Variants in FAM227B observed in about 807,000 individuals in gnomAD.
FAM227B encodes family with sequence similarity 227 member B.
Under a neutral mutation model 73.8 loss-of-function variants are expected in FAM227B, and 88 were observed. That is an observed-to-expected ratio of 1.19 (90% confidence interval 1.00 to 1.42). The LOEUF (loss-of-function observed/expected upper bound fraction) is 1.42. Among genes scored for constraint, FAM227B ranks in the 40% most tolerant of loss-of-function variants. The pLI, the probability that FAM227B is intolerant of heterozygous loss-of-function variation, is 0.00. For missense variants in FAM227B, 632 were observed against 590.9 expected (o/e 1.07, Z -0.72); for synonymous variants, 210 against 190.5 (o/e 1.10, Z -0.84).
chr15:49,463,941 T>TTTGC lies in FAM227B; in HGVS notation c.1012+44266_1012+44269dup, dbSNP rs2054036514. ...AAGGTTTTTGTTTGTTTTTTGTTTG[T>TTTGC]TTGCTTTAGAGTTACTATTTTTATC... On this transcript the variant is annotated intron_variant, in intron 11 of 15. Coordinates refer to ENST00000299338, the MANE Select transcript of FAM227B (RefSeq NM_152647.3). 1.3e-5 allele frequency among the ~76,000 whole-genome samples: 2 copies of TTTGC among 152,038 alleles called. 1 individual carries two copies. The highest frequency in any genetic ancestry group is 1.3e-4 in the Admixed American group (2 of 15,256).
At chr15:49,584,937 A>G (rs888728205) in intron 5 of FAM227B, among the ~76,000 whole-genome samples, 10 of 152,070 alleles carry the variant, frequency 6.6e-5, no homozygotes, top group African/African-American at 2.4e-4. Context: ...TTTGCAACCT[A>G]CTCATCTGAC....
chr15:49,417,425 T>C (rs1043295714), intron 11 of FAM227B, among the ~76,000 whole-genome samples: 2 of 152,008 alleles, frequency 1.3e-5, no homozygotes, highest in African/African-American at 2.4e-5. Context: ...CTTCAAACTA[T>C]ACTATAAGGC....
chr15:49,582,146 T>C (rs2075853082), intron 5 of FAM227B, among the ~76,000 whole-genome samples: 1 of 152,170 alleles, frequency 6.6e-6, no homozygotes, highest in African/African-American at 2.4e-5. Flanking sequence ...ACTTTGAATG[T>C]AAATGGGGGC....
At position 49,614,549 on chromosome 15, in the gene FAM227B, A is replaced by G. The variant is rs115350751; in HGVS notation, c.51+572T>C. On this transcript the variant is annotated intron_variant, in intron 2 of 15. Transcript: ENST00000299338. ...CTAAAAACAAGCCTAACTGTCCCAT[A>G]GAACTAATGTTTATGGTTTCTTTAA... Among the ~76,000 whole-genome samples, 1,247 of 152,378 alleles carry G rather than the reference A, an allele frequency of 8.2e-3. 19 individuals are homozygous for G. Among genetic ancestry groups the G allele is most frequent in the African/African-American group, 0.029 (1,207 of 41,588 alleles).
chr15:49,570,016 T>C (rs1567602498), intron 8 of FAM227B, among the ~76,000 whole-genome samples: 2 of 152,110 alleles, frequency 1.3e-5, no homozygotes, highest in South Asian at 2.1e-4. Context: ...CATTCATTCG[T>C]TGACAGACAA....
chr15:49,453,650 T>C (rs969827798), intron 11 of FAM227B, among the ~76,000 whole-genome samples: 9 of 152,132 alleles, frequency 5.9e-5, no homozygotes, highest in African/African-American at 1.9e-4. Flanking sequence ...TCCGAGGTAA[T>C]TGTATCTAGA....
At chr15:49,525,125 C>T (rs2060064980) in intron 10 of FAM227B, among the ~76,000 whole-genome samples, 1 of 151,972 alleles carries the variant, frequency 6.6e-6, no homozygotes, top group East Asian at 1.9e-4. Flanking sequence ...GGGAGGGAAT[C>T]GGGGTAAAAT....
In FAM227B at chr15:49,541,788, C is replaced by G; in HGVS notation, c.766G>C (p.Ala256Pro). Reference sequence around the variant, plus strand: ...TGGAACGTTGCATATATGGCTTGTGCCAAACAATCAGGATATATCTACCAA... The same window carrying G: ...TGGAACGTTGCATATATGGCTTGTGGCAAACAATCAGGATATATCTACCAA... Reference protein sequence around the residue: ...AFFQIYPDCLAQAIYATFHEA... With the variant: ...AFFQIYPDCLPQAIYATFHEA... Residue 256 changes from alanine to proline, a missense_variant, in exon 10 of 16, where the codon GCA (alanine) becomes CCA (proline). Ala to Pro is a conservative substitution (Grantham distance 27). Coordinates refer to ENST00000299338, the MANE Select transcript of FAM227B (RefSeq NM_152647.3). 1 of 1,498,424 alleles carries G rather than the reference C, an allele frequency of 6.7e-7. No homozygotes were observed. The highest frequency in any genetic ancestry group is 8.9e-7 in the Non-Finnish European group (1 of 1,123,028). 92.8% of individuals were successfully genotyped at this position (1,498,424 alleles called of 1,614,324 possible). A position where few individuals can be genotyped will look rare whatever the true frequency, so the allele number is the denominator to read the frequency against.
chr15:49,519,824 T>C (rs1221641987), intron 10 of FAM227B, among the ~76,000 whole-genome samples: 2 of 152,238 alleles, frequency 1.3e-5, no homozygotes, highest in Admixed American at 6.5e-5. Context: ...TCATTACTTA[T>C]GCAAATTTCT....
chr15:49,606,743 T>C (rs1418278246), intron 3 of FAM227B, among the ~76,000 whole-genome samples: 1 of 152,188 alleles, frequency 6.6e-6, no homozygotes, highest in Admixed American at 6.5e-5. Context: ...CCCTTCTTTC[T>C]CAATGTGGAA....
intron 11 of FAM227B, among the ~76,000 whole-genome samples, chr15:49,482,247 T>C (rs2056020229): frequency 6.6e-6 from 1 of 152,058 alleles, no homozygotes; most frequent in Non-Finnish European, 1.5e-5. Flanking sequence ...AGATTTTACT[T>C]TATTTAGTGT....
intron 11 of FAM227B, among the ~76,000 whole-genome samples, chr15:49,503,919 T>C (rs1183440850): frequency 2.0e-5 from 3 of 152,160 alleles, no homozygotes; most frequent in Admixed American, 6.5e-5. Context: ...AGCCATCCCA[T>C]TACTGGGTAT....
At chr15:49,512,410 T>C (rs76460138) in intron 10 of FAM227B, among the ~76,000 whole-genome samples, 1 of 152,218 alleles carries the variant, frequency 6.6e-6, no homozygotes, top group East Asian at 1.9e-4. Flanking sequence ...TTTTGCTCGC[T>C]TCTTCTATTA....
At chr15:49,516,880 A>G (rs1210651679) in intron 10 of FAM227B, among the ~76,000 whole-genome samples, 1 of 152,172 alleles carries the variant, frequency 6.6e-6, no homozygotes, top group Non-Finnish European at 1.5e-5. Context: ...GAATCCTTAA[A>G]TGTGGAAGAG....
chr15:49,370,990 T>C (rs951796790), intron 12 of FAM227B, among the ~76,000 whole-genome samples: 3 of 152,174 alleles, frequency 2.0e-5, no homozygotes, highest in South Asian at 2.1e-4. Context: ...ATTAAGATCA[T>C]ATTCATGTGC....
At chr15:49,575,692 C>G (rs991380718) in intron 7 of FAM227B, among the ~76,000 whole-genome samples, 1 of 152,006 alleles carries the variant, frequency 6.6e-6, no homozygotes, top group African/African-American at 2.4e-5. Flanking sequence ...ACACCAAGAA[C>G]AGCAAAAATG....
chr15:49,349,568 T>C (rs2041967216), intron 13 of FAM227B, among the ~76,000 whole-genome samples: 1 of 152,198 alleles, frequency 6.6e-6, no homozygotes, highest in Admixed American at 6.5e-5. Context: ...GGTTCCTTTA[T>C]GGAATCCCTG....
At chr15:49,532,307 T>C in intron 10 of FAM227B, among the ~76,000 whole-genome samples, 1 of 151,738 alleles carries the variant, frequency 6.6e-6, no homozygotes. Context: ...TTAAACATCA[T>C]GAGATATAAA....
chr15:49,328,310 G>GCT lies in FAM227B; in HGVS notation c.*256_*257dup. ...TATATTTTCAAAGAAATGGTTGAAA[G>GCT]CTCTCTATGCTTCATAATGATTCTT... On this transcript the variant is annotated 3_prime_UTR_variant, in exon 16 of 16. Transcript: ENST00000299338. The GCT allele has an allele frequency of 1.4e-6, 2 of 1,433,384 alleles. No individual in the cohort carries two copies. Among genetic ancestry groups the GCT allele is most frequent in the Non-Finnish European group, 1.8e-6 (2 of 1,097,460 alleles). The allele number at this position is 1,433,384 out of a possible 1,614,324, so 88.8% of individuals were successfully genotyped here. A position where few individuals can be genotyped will look rare whatever the true frequency, so the allele number is the denominator to read the frequency against.
Sources: gnomAD v4.1 joint callset for allele counts (sites outside exome capture counted in the v4.1 genomes callset) on GRCh38, gnomAD v4.1.1 for gene constraint, MANE v1.5 for transcripts, NCBI Gene and HGNC (gene_info 2026-07-23, HGNC 2026-07-21) for gene names.